Variants in LRGUK observed in about 807,000 individuals in gnomAD.
LRGUK encodes the protein leucine-rich repeat and guanylate kinase domain-containing protein.
A neutral mutation model predicts 76.0 loss-of-function variants in LRGUK; 65 were observed. That is an observed-to-expected ratio of 0.85 (90% confidence interval 0.70 to 1.05). The LOEUF (loss-of-function observed/expected upper bound fraction) is 1.05, where lower values mean the gene tolerates loss of function less well. Among genes scored for constraint, LRGUK ranks in the 50% least tolerant of loss-of-function variants. The pLI, the probability that LRGUK is intolerant of heterozygous loss-of-function variation, is 0.00. For synonymous variants in LRGUK, 268 were observed against 265.6 expected, an observed-to-expected ratio of 1.01 and a Z score of -0.09; for missense variants, 758 against 732.8, an observed-to-expected ratio of 1.03 and a Z score of -0.40.
At chr7:134,140,757 T>C (rs1301017946) in intron 3 of LRGUK, among the ~76,000 whole-genome samples, 3 of 152,218 alleles carry the variant, frequency 2.0e-5, no homozygotes, top group Non-Finnish European at 1.5e-5. Context: ...CCATTTTCAT[T>C]CTTAAAATAC....
chr7:134,164,280 C>T (rs371803231), intron 7 of LRGUK, among the ~76,000 whole-genome samples: 181 of 152,078 alleles, frequency 1.2e-3, no homozygotes, highest in Middle Eastern at 0.01. Context: ...AATGCAAATA[C>T]CCTAGGAAAG....
chr7:134,245,246 A>C (rs1303479291), intron 16 of LRGUK, among the ~76,000 whole-genome samples: 1 of 152,222 alleles, frequency 6.6e-6, no homozygotes, highest in Non-Finnish European at 1.5e-5. Context: ...ATGACTTCTT[A>C]TACTCAAACA....
At chr7:134,275,104 T>G in the LRGUK span, among the ~76,000 whole-genome samples, 1 of 152,180 alleles carries the variant, frequency 6.6e-6, no homozygotes, top group South Asian at 2.1e-4. Context: ...TCTACTCTGA[T>G]GTATATCATG....
chr7:134,201,859 G>A (rs1800786602), intron 15 of LRGUK, among the ~76,000 whole-genome samples: 1 of 152,150 alleles, frequency 6.6e-6, no homozygotes, highest in Non-Finnish European at 1.5e-5. Context: ...TAACCTCATG[G>A]TTCAGAACTC....
chr7:134,260,939 C>T (rs2117230519), intron 19 of LRGUK, among the ~76,000 whole-genome samples: 1 of 152,282 alleles, frequency 6.6e-6, no homozygotes, highest in Non-Finnish European at 1.5e-5. Context: ...TGCACTTGCC[C>T]CAAATCACTG....
chr7:134,240,253 C>T (rs1214916356), intron 16 of LRGUK, among the ~76,000 whole-genome samples: 1 of 152,168 alleles, frequency 6.6e-6, no homozygotes, highest in Non-Finnish European at 1.5e-5. Context: ...ACAAACTTCT[C>T]CAAGCTAAAG....
In LRGUK at chr7:134,168,194, T is replaced by C. The variant is rs1585479773; in HGVS notation, c.939+4654T>C. Among the ~76,000 whole-genome samples, 3 of 151,860 alleles carry C rather than the reference T, an allele frequency of 2.0e-5. No homozygotes were observed. In the South Asian group the frequency reaches 6.2e-4, roughly 32 times the overall value. On this transcript the variant is annotated intron_variant, in intron 7 of 15. Transcript: ENST00000645682. ...GCAACATAGCAAGACTCCCATCTCT[T>C]CCAAAAATAATAATAATAAAAAAAA...
chr7:134,209,547 C>A, exon 16 of LRGUK: 1 of 399,270 alleles, frequency 2.5e-6, no homozygotes, highest in Non-Finnish European at 4.4e-6. Context: ...CTGGCTCCCA[C>A]TCGGCTGCCC....
intron 15 of LRGUK, among the ~76,000 whole-genome samples, chr7:134,204,472 C>T (rs1466407803): frequency 2.0e-5 from 3 of 152,104 alleles, no homozygotes; most frequent in Non-Finnish European, 4.4e-5. Flanking sequence ...TAATAGAATT[C>T]CAACTGTAAA....
At chr7:134,214,236 G>C (rs568729681), downstream of LRGUK, among the ~76,000 whole-genome samples, 1 of 150,562 alleles carries the variant, frequency 6.6e-6, no homozygotes, top group Non-Finnish European at 1.5e-5. Context: ...TTTTTGTACT[G>C]AATTGGCAGA....
intron 16 of LRGUK, among the ~76,000 whole-genome samples, chr7:134,232,795 A>C (rs927968174): frequency 6.6e-6 from 1 of 152,206 alleles, no homozygotes; most frequent in Non-Finnish European, 1.5e-5. Context: ...ATAATTTAAT[A>C]AAATATCCAA....
At chr7:134,233,282 A>T (rs1801943673) in intron 16 of LRGUK, among the ~76,000 whole-genome samples, 1 of 152,174 alleles carries the variant, frequency 6.6e-6, no homozygotes. Context: ...TATTGTGACT[A>T]GGTTTTTCCT....
chr7:134,202,578 G>A (rs1487726013), intron 15 of LRGUK, among the ~76,000 whole-genome samples: 4 of 152,278 alleles, frequency 2.6e-5, no homozygotes, highest in African/African-American at 9.6e-5. Context: ...GCCAAAAGGT[G>A]GAAGGAACCC....
intron 16 of LRGUK, among the ~76,000 whole-genome samples, chr7:134,236,603 A>G (rs1802022683): frequency 6.6e-6 from 1 of 152,232 alleles, no homozygotes; most frequent in African/African-American, 2.4e-5. Flanking sequence ...TTAGCAAGGC[A>G]GTAAGTAGTG....
At chr7:134,185,830 A>G (rs1485985462) in intron 11 of LRGUK, among the ~76,000 whole-genome samples, 1 of 152,226 alleles carries the variant, frequency 6.6e-6, no homozygotes, top group Non-Finnish European at 1.5e-5. Context: ...TTAAAATTAC[A>G]TCCTTTATTT....
chr7:134,163,424 G>T, exon 7 of LRGUK: 1 of 1,613,550 alleles, frequency 6.2e-7, no homozygotes, highest in East Asian at 2.2e-5. Flanking sequence ...GATGATCACA[G>T]GTTTGGAGGA....
chr7:134,222,941 C>T (rs1034866683), intron 16 of LRGUK, among the ~76,000 whole-genome samples: 1 of 152,092 alleles, frequency 6.6e-6, no homozygotes, highest in African/African-American at 2.4e-5. Context: ...AAGTCAGAAC[C>T]ATTGGCAGTG....
At chr7:134,272,010 C>T in the LRGUK span, among the ~76,000 whole-genome samples, 1 of 151,528 alleles carries the variant, frequency 6.6e-6, no homozygotes, top group African/African-American at 2.4e-5. Flanking sequence ...TTTCCCTTTC[C>T]TTTCTTCTTT....
intron 18 of LRGUK, among the ~76,000 whole-genome samples, chr7:134,255,237 A>G (rs1215978204): frequency 1.3e-5 from 2 of 150,952 alleles, no homozygotes; most frequent in Non-Finnish European, 3.0e-5. Flanking sequence ...ACACACACAC[A>G]CACACACACA....
Sources: allele counts gnomAD v4.1 joint callset (sites outside exome capture counted in the v4.1 genomes callset), GRCh38; gene constraint gnomAD v4.1.1; transcripts MANE v1.5; gene names NCBI Gene and HGNC (gene_info 2026-07-23, HGNC 2026-07-21).